The following MYO1H variants were observed in gnomAD, a reference collection of about 807,000 sequenced individuals.
MYO1H encodes the protein unconventional myosin-Ih.
In MYO1H, 118 loss-of-function variants were observed where a neutral mutation model predicts 149.3. The ratio of observed to expected loss-of-function variants is 0.79; its 90% CI spans 0.68 to 0.92. MYO1H has a LOEUF of 0.92. Ranked by LOEUF, MYO1H falls within the 40% of genes least tolerant of loss-of-function variation. The probability of loss-of-function intolerance (pLI) is 0.00; values close to 1 mark genes in which losing one functional copy is unlikely to be tolerated. For missense variants in MYO1H, 1,212 were observed against 1,280.7 expected (o/e 0.95, Z 0.82); for synonymous variants, 447 against 465.2 (o/e 0.96, Z 0.50).
intron 15 of MYO1H, among the ~76,000 whole-genome samples, chr12:109,419,988 G>T (rs746413302): frequency 6.6e-6 from 1 of 152,144 alleles, no homozygotes; most frequent in Non-Finnish European, 1.5e-5. Flanking sequence ...ACCTGGAAAT[G>T]ACATGTCTGT....
At chr12:109,312,546 G>A in the MYO1H span, among the ~76,000 whole-genome samples, 1 of 152,064 alleles carries the variant, frequency 6.6e-6, no homozygotes, top group Non-Finnish European at 1.5e-5. Context: ...TAGAAGTTCA[G>A]TTTTATTATC....
intron 27 of MYO1H, 119 bp from the exon 28 acceptor site, chr12:109,443,375 CACACACACACACACACACAT>C: frequency 2.6e-6 from 2 of 779,600 alleles, no homozygotes; most frequent in Non-Finnish European, 2.0e-6. Flanking sequence ...CACACACACA[CACACACACACACACACACAT>C]ACACGCAAAA....
intron 3 of MYO1H, among the ~76,000 whole-genome samples, chr12:109,395,934 T>G (rs879263642): frequency 3.3e-5 from 5 of 150,926 alleles, no homozygotes; most frequent in East Asian, 1.9e-4. Context: ...TGTTGTTGTT[T>G]TTGAGACAGA....
intron 10 of MYO1H, among the ~76,000 whole-genome samples, chr12:109,409,246 C>CTTTTTTTTTTTTTTTTTTTTTTT (rs66507410): frequency 5.6e-4 from 27 of 47,842 alleles, no homozygotes; most frequent in Non-Finnish European, 7.7e-4. Context: ...TCTTCTTCTT[C>CTTTTTTTTTTTTTTTTTTTTTTT]TTTTTTTTTT....
chr12:109,313,377 C>T, the MYO1H span, among the ~76,000 whole-genome samples: 1 of 152,202 alleles, frequency 6.6e-6, no homozygotes, highest in Non-Finnish European at 1.5e-5. Flanking sequence ...CACTGTGGAG[C>T]CGCCATTTAA....
chr12:109,343,464 A>G (rs2048092832), upstream of MYO1H, among the ~76,000 whole-genome samples: 1 of 152,246 alleles, frequency 6.6e-6, no homozygotes, highest in Non-Finnish European at 1.5e-5. Context: ...TTTATCACTG[A>G]CATTGCTTAG....
At chr12:109,396,345 CA>C (rs746883074) in intron 3 of MYO1H, 38 bp from the exon 4 acceptor site, 1 of 1,542,054 alleles carries the variant, frequency 6.5e-7, no homozygotes, top group South Asian at 1.2e-5. Context: ...AGGGAAGTAC[CA>C]TTAAAACGAA....
chr12:109,328,141 C>CAT, the MYO1H span, among the ~76,000 whole-genome samples: 6,533 of 142,538 alleles, frequency 0.046, 172 homozygotes, highest in Middle Eastern at 0.13. Context: ...CACACACACG[C>CAT]ATATATATAT....
intron 4 of MYO1H, among the ~76,000 whole-genome samples, chr12:109,397,378 G>A (rs1869960648): frequency 6.6e-6 from 1 of 152,064 alleles, no homozygotes; most frequent in Non-Finnish European, 1.5e-5. Context: ...GACCCTTTGA[G>A]CAGAGCAACG....
At chr12:109,361,583 A>T (rs1165993981) in intron 1 of MYO1H, among the ~76,000 whole-genome samples, 2 of 152,202 alleles carry the variant, frequency 1.3e-5, no homozygotes, top group Non-Finnish European at 2.9e-5. Context: ...AGGCAGGCAG[A>T]TCACTTGAGC....
chr12:109,355,897 T>C (rs1034743958), intron 1 of MYO1H, among the ~76,000 whole-genome samples: 1 of 151,680 alleles, frequency 6.6e-6, no homozygotes, highest in African/African-American at 2.4e-5. Context: ...CTGGTATTTT[T>C]AGTAGAGATA....
chr12:109,443,124 ACG>A lies in MYO1H; in HGVS notation c.2689-389_2689-388del, dbSNP rs1344343138. On this transcript the variant is annotated intron_variant, in intron 27 of 31. Transcript: ENST00000310903. ...TGTACGTATATGTGTGTATATGTGT[ACG>A]TATATATGTGTGTATATGTGTACGT... Among the ~76,000 whole-genome samples, 49 of 75,892 alleles carry A rather than the reference ACG, an allele frequency of 6.5e-4. 5 individuals carry two copies. The highest frequency in any genetic ancestry group is 0.017 in the Middle Eastern group (2 of 120). 49.8% of individuals were successfully genotyped at this position (75,892 alleles called of 152,430 possible). A position where few individuals can be genotyped will look rare whatever the true frequency, so the allele number is the denominator to read the frequency against.
chr12:109,413,934 CTA>C (rs1396610020), intron 14 of MYO1H, among the ~76,000 whole-genome samples: 1 of 151,840 alleles, frequency 6.6e-6, no homozygotes, highest in African/African-American at 2.4e-5. Context: ...GGACTACATT[CTA>C]TATAATTCCA....
chr12:109,413,824 C>G (rs1272942464), intron 14 of MYO1H, among the ~76,000 whole-genome samples: 3 of 152,016 alleles, frequency 2.0e-5, no homozygotes, highest in Non-Finnish European at 4.4e-5. Context: ...GCAGGAGAAT[C>G]GCTTGAACCT....
chr12:109,312,643 A>T, the MYO1H span, among the ~76,000 whole-genome samples: 12 of 152,108 alleles, frequency 7.9e-5, no homozygotes, highest in African/African-American at 2.4e-4. Context: ...GAGGAGGAAA[A>T]GGGAGTGAGG....
intron 1 of MYO1H, among the ~76,000 whole-genome samples, chr12:109,380,125 C>A (rs985755503): frequency 6.6e-6 from 1 of 151,568 alleles, no homozygotes; most frequent in Non-Finnish European, 1.5e-5. Context: ...AAACTCCTGG[C>A]CTCGAGTGAT....
intron 8 of MYO1H, among the ~76,000 whole-genome samples, chr12:109,406,445 A>C (rs1265293413): frequency 8.0e-6 from 1 of 124,280 alleles, no homozygotes; most frequent in Non-Finnish European, 1.6e-5. Context: ...CAGCCTGGGC[A>C]ACATAGTGAG....
At chr12:109,431,175 C>G (rs139658037) in intron 19 of MYO1H, among the ~76,000 whole-genome samples, 2 of 151,868 alleles carry the variant, frequency 1.3e-5, no homozygotes, top group African/African-American at 2.4e-5. Flanking sequence ...GCCAGGAGAT[C>G]GAGACCATCC....
intron 1 of MYO1H, among the ~76,000 whole-genome samples, chr12:109,364,264 C>G (rs1868819888): frequency 6.6e-6 from 1 of 151,624 alleles, no homozygotes; most frequent in South Asian, 2.1e-4. Context: ...TCTGTCCAGT[C>G]CAGTCTGTGT....
Sources: allele counts gnomAD v4.1 joint callset (sites outside exome capture counted in the v4.1 genomes callset), GRCh38; gene constraint gnomAD v4.1.1; transcripts MANE v1.5; gene names NCBI Gene and HGNC (gene_info 2026-07-23, HGNC 2026-07-21).